TMEM117: variants seen among roughly 807,000 people sequenced by gnomAD.
The protein encoded by TMEM117 is transmembrane protein 117.
In TMEM117, 27 loss-of-function variants were observed where a neutral mutation model predicts 52.4. The ratio of observed to expected loss-of-function variants is 0.51; its 90% CI spans 0.38 to 0.71. The LOEUF is 0.71. Ranked by LOEUF, TMEM117 falls within the 30% of genes least tolerant of loss-of-function variation. The pLI, the probability that TMEM117 is intolerant of heterozygous loss-of-function variation, is 0.00. For missense variants in TMEM117, 556 were observed against 630.5 expected, an observed-to-expected ratio of 0.88 and a Z score of 1.26; for synonymous variants, 215 against 206.3, an observed-to-expected ratio of 1.04 and a Z score of -0.36.
At chr12:44,018,934 G>T (rs1946414494) in intron 3 of TMEM117, among the ~76,000 whole-genome samples, 1 of 151,798 alleles carries the variant, frequency 6.6e-6, no homozygotes, top group Non-Finnish European at 1.5e-5. Context: ...TGGCCAGGAT[G>T]GTCTTGATCC....
At chr12:44,252,599 C>T (rs187047763) in intron 5 of TMEM117, among the ~76,000 whole-genome samples, 2 of 152,332 alleles carry the variant, frequency 1.3e-5, no homozygotes, top group East Asian at 3.9e-4. Context: ...ATTATGTAAT[C>T]AGGGCTCCAT....
intron 4 of TMEM117, among the ~76,000 whole-genome samples, chr12:44,191,473 T>C (rs1157643099): frequency 6.6e-6 from 1 of 152,150 alleles, no homozygotes; most frequent in East Asian, 1.9e-4. Context: ...ATCTAAAGAA[T>C]TTTAGATCTT....
intron 5 of TMEM117, among the ~76,000 whole-genome samples, chr12:44,265,832 G>A (rs973102988): frequency 3.3e-5 from 5 of 152,114 alleles, no homozygotes; most frequent in Middle Eastern, 3.4e-3. Flanking sequence ...TGGATATTTC[G>A]ATAAATAGAA....
intron 3 of TMEM117, among the ~76,000 whole-genome samples, chr12:44,026,688 A>G (rs1303092996): frequency 1.3e-5 from 2 of 152,174 alleles, no homozygotes; most frequent in Admixed American, 1.3e-4. Context: ...GTGTTTAATC[A>G]TTTTGTTAAT....
intron 6 of TMEM117, among the ~76,000 whole-genome samples, chr12:44,371,981 T>C (rs995970405): frequency 1.6e-4 from 25 of 152,086 alleles, no homozygotes; most frequent in African/African-American, 5.8e-4. Flanking sequence ...ATTAACTGTT[T>C]GTCATATATG....
intron 5 of TMEM117, among the ~76,000 whole-genome samples, chr12:44,215,588 G>T (rs1035056703): frequency 6.6e-6 from 1 of 152,136 alleles, no homozygotes; most frequent in African/African-American, 2.4e-5. Context: ...TGAGGTAAAA[G>T]AACAGCTACA....
chr12:44,019,932 T>C (rs73087678), intron 3 of TMEM117, among the ~76,000 whole-genome samples: 8,545 of 152,266 alleles, frequency 0.056, 351 homozygotes, highest in Middle Eastern at 0.11. Context: ...GAATGAAAGG[T>C]CTGTTTGTTC....
At chr12:43,905,864 G>A (rs1944378145) in intron 2 of TMEM117, among the ~76,000 whole-genome samples, 1 of 152,124 alleles carries the variant, frequency 6.6e-6, no homozygotes. Context: ...TGTAGCTTTT[G>A]CTTAGATCAC....
At chr12:44,029,948 T>C (rs55773976) in intron 3 of TMEM117, among the ~76,000 whole-genome samples, 14,443 of 152,172 alleles carry the variant, frequency 0.095, 1,052 homozygotes, top group African/African-American at 0.2. Flanking sequence ...CTTTTCACAA[T>C]GGCGGCCTGC....
At chr12:44,382,499 A>AT (rs1336778226) in intron 7 of TMEM117, among the ~76,000 whole-genome samples, 2 of 152,182 alleles carry the variant, frequency 1.3e-5, no homozygotes, top group Non-Finnish European at 2.9e-5. Flanking sequence ...GTTAACAGAT[A>AT]TTTTTCTGAG....
chr12:43,886,119 A>T (rs900912371), intron 2 of TMEM117, among the ~76,000 whole-genome samples: 3 of 152,186 alleles, frequency 2.0e-5, no homozygotes, highest in Admixed American at 2.0e-4. Context: ...ATTTAGATAG[A>T]TGGTATAGAT....
intron 2 of TMEM117, among the ~76,000 whole-genome samples, chr12:43,880,971 T>G (rs1461742592): frequency 6.6e-6 from 1 of 152,250 alleles, no homozygotes; most frequent in African/African-American, 2.4e-5. Context: ...TTACCTGTGA[T>G]TCAGAAAATT....
intron 3 of TMEM117, among the ~76,000 whole-genome samples, chr12:43,948,960 C>A (rs1945177737): frequency 6.6e-6 from 1 of 151,996 alleles, no homozygotes; most frequent in Admixed American, 6.5e-5. Flanking sequence ...TATGTAGGGA[C>A]CAGAAACAAG....
intron 5 of TMEM117, among the ~76,000 whole-genome samples, chr12:44,286,500 T>C (rs934880205): frequency 2.0e-5 from 3 of 152,150 alleles, no homozygotes; most frequent in Non-Finnish European, 4.4e-5. Context: ...GAGTCAGCCC[T>C]TTGTGGATTG....
At chr12:44,303,895 A>G (rs1413517088) in intron 6 of TMEM117, among the ~76,000 whole-genome samples, 1 of 152,218 alleles carries the variant, frequency 6.6e-6, no homozygotes, top group Non-Finnish European at 1.5e-5. Flanking sequence ...ATTTTTTAAA[A>G]AAGAGTTAAA....
intron 5 of TMEM117, among the ~76,000 whole-genome samples, chr12:44,212,810 A>T (rs1400170743): frequency 6.6e-6 from 1 of 151,388 alleles, no homozygotes; most frequent in Non-Finnish European, 1.5e-5. Context: ...TTTTTTTTTT[A>T]ATGCAAAAGC....
At chr12:44,320,795 G>C (rs1951120007) in intron 6 of TMEM117, among the ~76,000 whole-genome samples, 1 of 152,096 alleles carries the variant, frequency 6.6e-6, no homozygotes, top group South Asian at 2.1e-4. Flanking sequence ...TTCGATTAGA[G>C]TTATTTTACT....
chr12:43,939,201 T>C (rs1945004679), intron 2 of TMEM117, among the ~76,000 whole-genome samples: 2 of 152,176 alleles, frequency 1.3e-5, no homozygotes, highest in Non-Finnish European at 2.9e-5. Flanking sequence ...ACAAACCAAA[T>C]ATACTCCTTT....
intron 3 of TMEM117, among the ~76,000 whole-genome samples, chr12:43,967,598 T>G (rs1329627236): frequency 1.7e-4 from 26 of 152,146 alleles, no homozygotes; most frequent in Admixed American, 1.7e-3. Context: ...ACCTGAGGCC[T>G]GCCAACAACC....
Sources: allele counts gnomAD v4.1 joint callset (sites outside exome capture counted in the v4.1 genomes callset), GRCh38; gene constraint gnomAD v4.1.1; transcripts MANE v1.5; gene names NCBI Gene and HGNC (gene_info 2026-07-23, HGNC 2026-07-21).